Variants in VPS41 observed in about 807,000 individuals in gnomAD.
The protein encoded by VPS41 is vacuolar protein sorting-associated protein 41 homolog.
In VPS41, 85 loss-of-function variants were observed where a neutral mutation model predicts 130.9. That is an observed-to-expected ratio of 0.65 (90% confidence interval 0.55 to 0.78). The LOEUF (loss-of-function observed/expected upper bound fraction) is 0.78. Among genes scored for constraint, VPS41 ranks in the 30% least tolerant of loss-of-function variants. VPS41 has a pLI of 0.00. For synonymous variants in VPS41, 335 were observed against 332.9 expected, an observed-to-expected ratio of 1.01 and a Z score of -0.07; for missense variants, 874 against 1,018.7, an observed-to-expected ratio of 0.86 and a Z score of 1.93.
chr7:38,781,684 C>T (rs1784356370), intron 10 of VPS41, among the ~76,000 whole-genome samples: 1 of 152,136 alleles, frequency 6.6e-6, no homozygotes, highest in Non-Finnish European at 1.5e-5. Context: ...CTCCTGCTCC[C>T]CTTCTATTCC....
intron 5 of VPS41, among the ~76,000 whole-genome samples, chr7:38,827,065 G>A (rs942759011): frequency 1.4e-4 from 22 of 152,184 alleles, no homozygotes; most frequent in African/African-American, 4.8e-4. Flanking sequence ...TGATCTGCCC[G>A]CTTCGGCCTC....
chr7:38,812,455 A>G (rs1307429467), intron 7 of VPS41, among the ~76,000 whole-genome samples: 1 of 152,178 alleles, frequency 6.6e-6, no homozygotes, highest in Non-Finnish European at 1.5e-5. Flanking sequence ...AACAAGCATT[A>G]ATCTTCATGA....
intron 7 of VPS41, among the ~76,000 whole-genome samples, chr7:38,810,761 C>A (rs1173645538): frequency 1.3e-5 from 2 of 152,170 alleles, no homozygotes; most frequent in Non-Finnish European, 2.9e-5. Flanking sequence ...CATAACCTCT[C>A]AGTTATCTGA....
chr7:38,883,248 CAAAAAAT>C (rs1252259785), intron 2 of VPS41, among the ~76,000 whole-genome samples: 5 of 152,002 alleles, frequency 3.3e-5, no homozygotes, highest in African/African-American at 9.7e-5. Context: ...CAAAAACAAA[CAAAAAAT>C]AAAAAATAAA....
rs191355655 is a variant in VPS41, at chr7:38,820,104, T to G, written c.384+1099A>C. On this transcript the variant is annotated intron_variant, in intron 6 of 28. Transcript: ENST00000310301. The stretch of plus-strand genomic sequence containing the variant: ...GAGAACCTGAACTGACCCTGAGCTC[T>G]TCCGTCTTTCATCACCCTCATCCAA... 9.9e-5 allele frequency among the ~76,000 whole-genome samples: 15 copies of G among 152,252 alleles called. 1 individual carries two copies. In the East Asian group the frequency reaches 2.9e-3, roughly 29 times the overall value.
At chr7:38,815,287 G>T (rs796850962) in intron 7 of VPS41, among the ~76,000 whole-genome samples, 117 of 152,118 alleles carry the variant, frequency 7.7e-4, no homozygotes, top group African/African-American at 2.6e-3. Flanking sequence ...AGCTGGGTAG[G>T]GTGGTGGGCA....
At chr7:38,883,086 T>C (rs1282908110) in intron 2 of VPS41, among the ~76,000 whole-genome samples, 2 of 151,948 alleles carry the variant, frequency 1.3e-5, no homozygotes, top group African/African-American at 2.4e-5. Context: ...CTACTAAAAA[T>C]ACAAAAATTA....
chr7:38,889,674 T>G lies in VPS41; in HGVS notation c.60+8417A>C, dbSNP rs188689750. Among the ~76,000 whole-genome samples, 4 of 151,010 alleles carry G rather than the reference T, an allele frequency of 2.6e-5. No individual in the cohort carries two copies. In the East Asian group the frequency reaches 7.8e-4, roughly 29 times the overall value. Reference sequence around the variant, plus strand: ...CACTTGCAAGCCTATCCTTAAAGAGTGGCTAATAGGAGTTTTCCATACAGA... The same window carrying G: ...CACTTGCAAGCCTATCCTTAAAGAGGGGCTAATAGGAGTTTTCCATACAGA... On this transcript the variant is annotated intron_variant, in intron 2 of 28. Coordinates refer to ENST00000310301, the MANE Select transcript of VPS41 (RefSeq NM_014396.4).
intron 2 of VPS41, among the ~76,000 whole-genome samples, chr7:38,891,227 T>TACACTTTATAC (rs1270179043): frequency 2.6e-5 from 4 of 152,184 alleles, no homozygotes; most frequent in African/African-American, 9.7e-5. Context: ...AAGACACCTA[T>TACACTTTATAC]AATATGTATA....
chr7:38,882,536 T>A (rs931467489), intron 2 of VPS41, among the ~76,000 whole-genome samples: 4 of 152,170 alleles, frequency 2.6e-5, no homozygotes, highest in African/African-American at 9.7e-5. Flanking sequence ...CTACTCTTCT[T>A]CAGGTCTACT....
At chr7:38,841,078 GA>G (rs1363477330) in intron 4 of VPS41, among the ~76,000 whole-genome samples, 2 of 152,204 alleles carry the variant, frequency 1.3e-5, no homozygotes, top group Non-Finnish European at 2.9e-5. Context: ...GAGGGTTGTA[GA>G]TTTTTTAATA....
intron 4 of VPS41, among the ~76,000 whole-genome samples, chr7:38,847,240 T>C (rs928604221): frequency 6.6e-6 from 1 of 152,076 alleles, no homozygotes; most frequent in Non-Finnish European, 1.5e-5. Flanking sequence ...CTATTTTAAA[T>C]GATAATTTAG....
At chr7:38,899,298 G>C (rs77603665) in intron 1 of VPS41, among the ~76,000 whole-genome samples, 1 of 152,166 alleles carries the variant, frequency 6.6e-6, no homozygotes, top group Non-Finnish European at 1.5e-5. Context: ...AATGCAGCCT[G>C]TTTAGCTTAA....
chr7:38,805,780 C>A (rs1185583120), intron 7 of VPS41, among the ~76,000 whole-genome samples: 1 of 152,152 alleles, frequency 6.6e-6, no homozygotes, highest in African/African-American at 2.4e-5. Flanking sequence ...TTCATCCTCT[C>A]TACACACTTC....
chr7:38,906,042 C>T (rs1214520378), intron 1 of VPS41, among the ~76,000 whole-genome samples: 4 of 151,800 alleles, frequency 2.6e-5, no homozygotes, highest in South Asian at 2.1e-4. Flanking sequence ...GTGATCCACC[C>T]GCCTCAGCCT....
intron 2 of VPS41, among the ~76,000 whole-genome samples, chr7:38,877,185 G>C (rs528317688): frequency 6.6e-6 from 1 of 152,254 alleles, no homozygotes; most frequent in Admixed American, 6.5e-5. Context: ...ACAAACGTAT[G>C]TAGTAACAGC....
At chr7:38,889,178 A>C (rs1786803047) in intron 2 of VPS41, among the ~76,000 whole-genome samples, 1 of 141,512 alleles carries the variant, frequency 7.1e-6, no homozygotes, top group African/African-American at 2.8e-5. Flanking sequence ...TCATGTTATT[A>C]CAGTTCCACA....
At chr7:38,843,596 G>A (rs1333479775) in intron 4 of VPS41, among the ~76,000 whole-genome samples, 3 of 151,984 alleles carry the variant, frequency 2.0e-5, no homozygotes, top group Non-Finnish European at 4.4e-5. Flanking sequence ...GCAGGAGAAT[G>A]GCACGAACCC....
intron 15 of VPS41, 66 bp downstream of exon 15, chr7:38,767,471 T>C: frequency 8.8e-7 from 1 of 1,132,760 alleles, no homozygotes; most frequent in Non-Finnish European, 1.3e-6. Flanking sequence ...GAATGGCTTA[T>C]TTTTACTGTT....
Sources: allele counts gnomAD v4.1 joint callset (sites outside exome capture counted in the v4.1 genomes callset), GRCh38; gene constraint gnomAD v4.1.1; transcripts MANE v1.5; gene names NCBI Gene and HGNC (gene_info 2026-07-23, HGNC 2026-07-21).